The following DAB2 variants were observed in gnomAD, a reference collection of about 807,000 sequenced individuals.
The protein encoded by DAB2 is disabled homolog 2.
In DAB2, 28 loss-of-function variants were observed where a neutral mutation model predicts 71.6. The ratio of observed to expected loss-of-function variants is 0.39; its 90% confidence interval spans 0.29 to 0.54. The LOEUF (loss-of-function observed/expected upper bound fraction) is 0.54, where lower values mean the gene tolerates loss of function less well. Ranked by LOEUF, DAB2 falls within the 20% of genes least tolerant of loss-of-function variation. The pLI, the probability that DAB2 is intolerant of heterozygous loss-of-function variation, is 0.68. For synonymous variants in DAB2, 345 were observed against 339.7 expected (o/e 1.02, Z -0.17); for missense variants, 867 against 928.8 (o/e 0.93, Z 0.86).
chr5:39,374,993 T>G, intron 14 of DAB2, 21 bp downstream of exon 14: 1 of 1,513,760 alleles, frequency 6.6e-7, no homozygotes. Flanking sequence ...TGAGACAGGC[T>G]TATTAGGATC....
chr5:39,378,086 C>G (rs942400042), intron 11 of DAB2, among the ~76,000 whole-genome samples: 3 of 152,166 alleles, frequency 2.0e-5, no homozygotes, highest in Non-Finnish European at 4.4e-5. Context: ...CAATGGGAAA[C>G]AAAAATCTTT....
intron 9 of DAB2, among the ~76,000 whole-genome samples, chr5:39,385,979 G>T (rs1755091238): frequency 6.6e-6 from 1 of 152,058 alleles, no homozygotes; most frequent in Non-Finnish European, 1.5e-5. Flanking sequence ...GTGCCCACCC[G>T]TGTTATCTTA....
intron 1 of DAB2, among the ~76,000 whole-genome samples, chr5:39,396,477 A>T (rs1327531906): frequency 6.6e-6 from 1 of 152,252 alleles, no homozygotes; most frequent in Non-Finnish European, 1.5e-5. Flanking sequence ...TGTCTGGGAT[A>T]TAGATGGCAT....
chr5:39,411,462 G>A (rs1387061437), intron 1 of DAB2, among the ~76,000 whole-genome samples: 1 of 152,130 alleles, frequency 6.6e-6, no homozygotes. Context: ...CAAGTGATTA[G>A]ATAGGGGCTC....
chr5:39,409,687 C>A (rs1755678082), intron 1 of DAB2, among the ~76,000 whole-genome samples: 1 of 152,160 alleles, frequency 6.6e-6, no homozygotes, highest in African/African-American at 2.4e-5. Flanking sequence ...GAAGCACACT[C>A]AGCAAGTTTG....
intron 1 of DAB2, among the ~76,000 whole-genome samples, chr5:39,395,434 A>G (rs961309305): frequency 6.6e-6 from 1 of 152,184 alleles, no homozygotes; most frequent in African/African-American, 2.4e-5. Context: ...GAACATTGTA[A>G]CTGAAGGACC....
intron 1 of DAB2, among the ~76,000 whole-genome samples, chr5:39,403,925 A>G (rs1755554742): frequency 6.6e-6 from 1 of 151,942 alleles, no homozygotes; most frequent in African/African-American, 2.4e-5. Flanking sequence ...GATGGTTGCT[A>G]GCTTCATCCA....
chr5:39,404,568 T>C (rs1439388108), intron 1 of DAB2, among the ~76,000 whole-genome samples: 3 of 151,466 alleles, frequency 2.0e-5, no homozygotes, highest in African/African-American at 7.3e-5. Context: ...TTCTTTGTTT[T>C]TGGATTTTGG....
In DAB2 at chr5:39,372,699, G is replaced by A. The variant is rs1257219682; in HGVS notation, c.*732C>T. The A allele has an allele frequency of 6.6e-6, 1 of 151,202 alleles. No individual in the cohort carries two copies. The highest frequency in any genetic ancestry group is 1.5e-5 in the Non-Finnish European group (1 of 67,922). 9.4% of individuals were successfully genotyped at this position (151,202 alleles called of 1,614,324 possible). On this transcript the variant is annotated 3_prime_UTR_variant, in exon 15 of 15. Transcript: ENST00000320816. ...GTGGTAATACTACTTGAACCCAGGA[G>A]CAAAACTGACTGAAAAAAGAATCAG...
At chr5:39,391,013 G>A (rs991885763) in intron 4 of DAB2, among the ~76,000 whole-genome samples, 13 of 152,268 alleles carry the variant, frequency 8.5e-5, no homozygotes, top group African/African-American at 2.9e-4. Flanking sequence ...CAGAGTGGCC[G>A]AGGAACCATC....
chr5:39,390,391 C>A, intron 5 of DAB2, 53 bp downstream of exon 5: 1 of 1,572,808 alleles, frequency 6.4e-7, no homozygotes, highest in South Asian at 1.2e-5. Context: ...GACAGACACT[C>A]CAATGTCCAC....
chr5:39,389,596 T>C (rs1464243188), intron 6 of DAB2, among the ~76,000 whole-genome samples: 2 of 152,248 alleles, frequency 1.3e-5, no homozygotes, highest in East Asian at 3.9e-4. Flanking sequence ...CTGCAACCTC[T>C]GCCTCCCGGG....
rs776115063 is a variant in DAB2 at position 39,389,118 on chromosome 5, C to G, written c.549G>C (p.Glu183Asp). 1 of 1,612,262 alleles carries G rather than the reference C, an allele frequency of 6.2e-7. No homozygotes were observed. Among genetic ancestry groups the G allele is most frequent in the Non-Finnish European group, 8.5e-7 (1 of 1,178,720 alleles). ...KKKEEEKKKI[E>D]EASKAVENGS... ...TTACCTCAACTGCTTTGCTGGCTTC[C>G]TCTATCTAAAAAGAAAGATACATAT... The change falls in exon 7 of 15, where the codon GAG (glutamate) becomes GAC (aspartate). Residue 183 changes from glutamate to aspartate, a missense_variant. Around this residue, in one of 2 missense-constraint regions of DAB2, gnomAD observed 740 missense variants for 734.3 expected, o/e 1.01. Transcript: ENST00000320816.
At chr5:39,407,480 C>T (rs1356083198) in intron 1 of DAB2, among the ~76,000 whole-genome samples, 4 of 152,152 alleles carry the variant, frequency 2.6e-5, no homozygotes, top group African/African-American at 4.8e-5. Flanking sequence ...GGATTACAGG[C>T]GTGAGCCACC....
intron 1 of DAB2, among the ~76,000 whole-genome samples, chr5:39,416,722 C>T (rs1755853881): frequency 2.0e-5 from 3 of 152,116 alleles, no homozygotes; most frequent in African/African-American, 7.2e-5. Flanking sequence ...CATTTCCTCA[C>T]ATTTGCCATG....
intron 1 of DAB2, among the ~76,000 whole-genome samples, chr5:39,410,479 T>C (rs2112097703): frequency 6.6e-6 from 1 of 151,850 alleles, no homozygotes; most frequent in Middle Eastern, 3.4e-3. Context: ...GATAAACAAC[T>C]CTGTTGGGAT....
rs1349591593 is a variant in DAB2 at position 39,388,795 on chromosome 5, A to C, written c.624+4T>G. 1 of 1,611,774 alleles carries C rather than the reference A, an allele frequency of 6.2e-7. No homozygotes were observed. Among genetic ancestry groups the C allele is most frequent in the Non-Finnish European group, 8.5e-7 (1 of 1,178,110 alleles). On this transcript the variant is annotated splice_donor_region_variant and intron_variant, in intron 8 of 14. Transcript: ENST00000320816. ...ACTGTCAAACGTCACATATTAATAC[A>C]TACCGATTTCAGTTTGTTAGTTTGG...
intron 1 of DAB2, among the ~76,000 whole-genome samples, chr5:39,424,470 T>TACACACACACACAC (rs56974213): frequency 7.4e-6 from 1 of 134,458 alleles, no homozygotes; most frequent in African/African-American, 2.8e-5. Flanking sequence ...GCAGACCTTT[T>TACACACACACACAC]ACACACACAC....
chr5:39,374,032 T>C (rs184056041), intron 14 of DAB2, among the ~76,000 whole-genome samples: 355 of 152,276 alleles, frequency 2.3e-3, no homozygotes, highest in Middle Eastern at 0.017. Context: ...AACACAGTCA[T>C]TGTAGAACTG....
Sources: gnomAD v4.1 joint callset for allele counts (sites outside exome capture counted in the v4.1 genomes callset) on GRCh38, gnomAD v4.1.1 for gene constraint, gnomAD v4.1.1 regional missense constraint, MANE v1.5 for transcripts, NCBI Gene and HGNC (gene_info 2026-07-23, HGNC 2026-07-21) for gene names.